DRAM2: variants seen among roughly 807,000 people sequenced by gnomAD.
DRAM2 encodes the protein DNA damage-regulated autophagy modulator protein 2.
DRAM2 carries 26 observed loss-of-function variants against 33.5 expected under a neutral mutation model. The observed-to-expected ratio is 0.78, with a 90% CI of 0.57 to 1.08. The LOEUF is 1.08. Ranked by LOEUF, DRAM2 falls within the 50% of genes least tolerant of loss-of-function variation. DRAM2 has a pLI of 0.00. For missense variants in DRAM2, 311 were observed against 318.1 expected, an observed-to-expected ratio of 0.98 and a Z score of 0.17; for synonymous variants, 98 against 109.5, an observed-to-expected ratio of 0.89 and a Z score of 0.66.
rs1368924963 is a variant in DRAM2 at position 111,131,440 on chromosome 1, C to T, written c.115G>A (p.Ala39Thr). Residue 39 changes from alanine to threonine, a missense_variant, in exon 4 of 10, where the codon GCT (alanine) becomes ACT (threonine). By Grantham distance (58) the Ala-to-Thr change is moderately conservative (BLOSUM62 0). Transcript: ENST00000484310. ...TAVTLHHIDPALPYISDTGTV... is the reference protein window; with the variant it reads ...TAVTLHHIDPTLPYISDTGTV... ...TTCACTTACCTGATATAAGGTAAAG[C>T]CGGGTCTATATGGTGGAGTGTTACT... 6.2e-6 allele frequency: 10 copies of T among 1,613,470 alleles called. No homozygotes were observed. The highest frequency in any genetic ancestry group is 5.3e-5 in the African/African-American group (4 of 74,868).
intron 6 of DRAM2, among the ~76,000 whole-genome samples, chr1:111,123,015 A>G (rs1650325339): frequency 6.6e-6 from 1 of 152,170 alleles, no homozygotes; most frequent in Non-Finnish European, 1.5e-5. Flanking sequence ...GGCTGTGTAA[A>G]CAAATACTGG....
intron 6 of DRAM2, among the ~76,000 whole-genome samples, chr1:111,123,042 T>A (rs764446743): frequency 5.9e-5 from 9 of 152,162 alleles, no homozygotes; most frequent in Non-Finnish European, 1.2e-4. Flanking sequence ...ATGTTTACCA[T>A]AAAAGTGATG....
chr1:111,134,889 C>G (rs1006838099), intron 3 of DRAM2, among the ~76,000 whole-genome samples: 2 of 152,062 alleles, frequency 1.3e-5, no homozygotes, highest in Non-Finnish European at 2.9e-5. Context: ...TGGCACATTA[C>G]CAACCCGGGC....
At chr1:111,123,521 T>C (rs777485701) in intron 6 of DRAM2, among the ~76,000 whole-genome samples, 7 of 152,212 alleles carry the variant, frequency 4.6e-5, no homozygotes, top group Non-Finnish European at 7.3e-5. Context: ...TCTCAGTATC[T>C]GATCACCATA....
At chr1:111,118,920 T>G (rs768965192) in intron 8 of DRAM2, 23 bp from the exon 9 acceptor site, 1 of 1,536,314 alleles carries the variant, frequency 6.5e-7, no homozygotes, top group East Asian at 2.3e-5. Flanking sequence ...AAAAAAAGAA[T>G]AGTTTTGTGA....
rs909743380 is a variant in DRAM2 at position 111,118,141 on chromosome 1, G to C, written c.*19C>G. The C allele has an allele frequency of 6.2e-7, 1 of 1,603,220 alleles. No homozygotes were observed. The highest frequency in any genetic ancestry group is 8.5e-7 in the Non-Finnish European group (1 of 1,170,500). ...ATCCCTGAGAATCATAATCATTACAGAAATATTTTATCCTTTCATCAAATA... is the reference window on the plus strand; with the variant it reads ...ATCCCTGAGAATCATAATCATTACACAAATATTTTATCCTTTCATCAAATA... On this transcript the variant is annotated 3_prime_UTR_variant, in exon 10 of 10. Transcript: ENST00000484310.
At chr1:111,123,944 G>C (rs1557887485) in intron 6 of DRAM2, among the ~76,000 whole-genome samples, 1 of 152,110 alleles carries the variant, frequency 6.6e-6, no homozygotes, top group Non-Finnish European at 1.5e-5. Context: ...TGTACAACCT[G>C]CAGAACTATG....
At chr1:111,128,042 A>G (rs1436566632) in intron 4 of DRAM2, 1 of 152,124 alleles carries the variant, frequency 6.6e-6, no homozygotes, top group South Asian at 2.1e-4. Context: ...AGAACACCTG[A>G]AGCACACTTA....
chr1:111,120,780 T>A, intron 6 of DRAM2, 87 bp from the exon 7 acceptor site: 1 of 1,201,096 alleles, frequency 8.3e-7, no homozygotes, highest in Non-Finnish European at 1.1e-6. Context: ...CCCAGAGATT[T>A]CAATAGGACA....
chr1:111,120,658 A>G lies in DRAM2; in HGVS notation c.375T>C (p.Ala125=). The change falls in exon 7 of 10, where the codon GCT becomes GCC. Residue 125 remains alanine (A), a synonymous_variant. Coordinates refer to ENST00000484310, the MANE Select transcript of DRAM2 (RefSeq NM_001349884.2). ...ATGAGCCCATACCAAAGGTAAGCAC[A>G]GCTCCACTTACATGTGCAGCAAAAA... ...TTLFAAHVSG[A]VLTFGMGSLY... is the part of the protein sequence containing the mutation. The G allele has an allele frequency of 6.3e-7, 1 of 1,592,096 alleles. No homozygotes were observed. The highest frequency in any genetic ancestry group is 1.1e-5 in the South Asian group (1 of 87,644).
chr1:111,126,182 T>C, intron 5 of DRAM2, 45 bp downstream of exon 5: 1 of 1,228,724 alleles, frequency 8.1e-7, no homozygotes, highest in Non-Finnish European at 1.2e-6. Flanking sequence ...GAAAATACTG[T>C]AGCAATTTGG....
chr1:111,120,581 T>G lies in DRAM2; in HGVS notation c.452A>C (p.His151Pro). The change falls in exon 7 of 10, where the codon CAT becomes CCT. Residue 151 changes from histidine (H) to proline (P), a missense_variant. His to Pro is a moderately conservative substitution (Grantham distance 77). Transcript: ENST00000484310. ...ILSYQMQPKI[H>P]GKQVFWIRLL... ...TCTGATCCAGAAGACTTGTTTGCCA[T>G]GGATTTTGGGCTGCATTTGGTAGGA... 6.2e-7 allele frequency: 1 copy of G among 1,612,322 alleles called. No individual in the cohort carries two copies. The highest frequency in any genetic ancestry group is 1.1e-5 in the South Asian group (1 of 90,958).
intron 4 of DRAM2, among the ~76,000 whole-genome samples, chr1:111,129,502 A>G (rs1651646822): frequency 6.6e-6 from 1 of 152,212 alleles, no homozygotes; most frequent in Non-Finnish European, 1.5e-5. Context: ...AGAGAAGTTT[A>G]AGTCTCAATA....
chr1:111,118,331 A>AT lies in DRAM2; in HGVS notation c.694-65dup. ...CTTAAAGAGAGATCACTCCTTCAAT[A>AT]TGTTCTATAGGCTACCTTGTGATTA... is the stretch of plus-strand genomic sequence containing the variant. On this transcript the variant is annotated intron_variant, in intron 9 of 9. Coordinates refer to ENST00000484310, the MANE Select transcript of DRAM2 (RefSeq NM_001349884.2). 2.8e-6 allele frequency: 3 copies of AT among 1,072,288 alleles called. No homozygotes were observed. The South Asian group carries it at 4.1e-5, about 15-fold the overall frequency. 66.4% of individuals were successfully genotyped at this position (1,072,288 alleles called of 1,614,324 possible). A position where few individuals can be genotyped will look rare whatever the true frequency, so the allele number is the denominator to read the frequency against.
intron 6 of DRAM2, among the ~76,000 whole-genome samples, chr1:111,121,933 G>A (rs746889707): frequency 2.2e-4 from 34 of 152,018 alleles, no homozygotes; most frequent in East Asian, 5.8e-4. Flanking sequence ...TATAAAGGGC[G>A]TTATGGCCTA....
chr1:111,139,007 C>T lies in DRAM2; in HGVS notation c.-79+494G>A, dbSNP rs369888564. 16 of 152,286 alleles carry T rather than the reference C, an allele frequency of 1.1e-4. No homozygotes were observed. The South Asian group carries it at 3.1e-3, about 30-fold the overall frequency. 9.4% of individuals were successfully genotyped at this position (152,286 alleles called of 1,614,324 possible). ...TGAACGGTCAGAAAGCCCTAAGCTG[C>T]TTTTAGAGATGCACAGAACCATCAG... On this transcript the variant is annotated intron_variant, in intron 2 of 9. Transcript: ENST00000484310.
rs148900664 is a variant in DRAM2 at position 111,124,770 on chromosome 1, A to G, written c.311T>C (p.Leu104Ser). Reference protein sequence around the residue: ...AGLVLGILSCLGLSIVANFQK... With the variant: ...AGLVLGILSCSGLSIVANFQK... ...GAAGTTTGCCACAATAGAAAGTCCT[A>G]AACAACTCAGTATTCCAAGTACAAG... The change falls in exon 6 of 10, where the codon TTA (leucine) becomes TCA (serine). Residue 104 changes from leucine to serine, a missense_variant. Leu to Ser is a moderately radical substitution (Grantham distance 145). Coordinates refer to ENST00000484310, the MANE Select transcript of DRAM2 (RefSeq NM_001349884.2). The G allele has an allele frequency of 4.3e-6, 7 of 1,613,514 alleles. No individual in the cohort carries two copies. In the South Asian group the frequency reaches 4.4e-5, roughly 10 times the overall value.
Position 111,136,383 on chromosome 1 carries a change from G to T in DRAM2, c.-15+1140C>A, listed in dbSNP as rs146785388. Among the ~76,000 whole-genome samples, 1,146 of 152,184 alleles carry T rather than the reference G, an allele frequency of 7.5e-3. 10 individuals are homozygous for T. The highest frequency in any genetic ancestry group is 9.4e-3 in the Non-Finnish European group (639 of 67,992). On this transcript the variant is annotated intron_variant, in intron 3 of 9. Transcript: ENST00000484310. ...GTTCTGAGACCAGCCTGGCCAGCAC[G>T]GTGAAACCCAGTCTCTACTAAAAAT...
intron 2 of DRAM2, among the ~76,000 whole-genome samples, chr1:111,138,390 C>A (rs817580): frequency 0.24 from 35,866 of 152,132 alleles, 5,331 homozygotes; most frequent in African/African-American, 0.4. Flanking sequence ...ATTGCCAAAC[C>A]AACAAAATTA....
Sources: allele counts gnomAD v4.1 joint callset (sites outside exome capture counted in the v4.1 genomes callset), GRCh38; gene constraint gnomAD v4.1.1; transcripts MANE v1.5; gene names NCBI Gene and HGNC (gene_info 2026-07-23, HGNC 2026-07-21).